PCDHA4: variants seen among roughly 807,000 people sequenced by gnomAD.
PCDHA4 encodes the protein protocadherin alpha-4.
In PCDHA4, 49 loss-of-function variants were observed where a neutral mutation model predicts 61.4. The observed-to-expected ratio is 0.80, with a 90% CI of 0.63 to 1.01. The LOEUF is 1.01. PCDHA4 is among the 50% of genes least tolerant of loss of function. The pLI, the probability that PCDHA4 is intolerant of heterozygous loss-of-function variation, is 0.00. For missense variants in PCDHA4, 1,254 were observed against 1,235.8 expected, an observed-to-expected ratio of 1.01 and a Z score of -0.22; for synonymous variants, 590 against 550.3, an observed-to-expected ratio of 1.07 and a Z score of -1.01.
chr5:140,807,956 A>C lies in PCDHA4; in HGVS notation c.769A>C (p.Asn257His), dbSNP rs1554124359. ...GGTGAGATTACTAGAAAATGTTCCT[A>C]ATGGAACATTGGTAATTAAACTTAA... ...YKVRLLENVPNGTLVIKLNAS... is the reference protein window; with the variant it reads ...YKVRLLENVPHGTLVIKLNAS... The change falls in exon 1 of 4, where the codon AAT (asparagine) becomes CAT (histidine). Residue 257 changes from asparagine (N) to histidine (H), a missense_variant. By Grantham distance (68) the Asn-to-His change is moderately conservative. Coordinates refer to ENST00000530339, the MANE Select transcript of PCDHA4 (RefSeq NM_018907.4). The C allele has an allele frequency of 3.1e-6, 5 of 1,612,664 alleles. No homozygotes were observed. The Admixed American group carries it at 8.3e-5, about 27-fold the overall frequency.
intron 1 of PCDHA4, chr5:140,966,540 C>G (rs1477712677): frequency 4.3e-6 from 2 of 462,788 alleles, no homozygotes; most frequent in African/African-American, 2.0e-5. Flanking sequence ...TTGAGCGACT[C>G]GGAGGCGAGC....
chr5:140,982,538 G>C lies in PCDHA4; in HGVS notation c.2508G>C (p.Trp836Cys), dbSNP rs782094765. The change falls in exon 3 of 4, where the codon TGG becomes TGC. Residue 836 changes from tryptophan to cysteine, a missense_variant. Coordinates refer to ENST00000530339, the MANE Select transcript of PCDHA4 (RefSeq NM_018907.4). ...GTCCAGGAGGGCCTGATCAGCAGTG[G>C]CCAACAGTATCCAGTGCAACACCAG... ...RAGPGGPDQQ[W>C]PTVSSATPEP... 1 of 1,614,166 alleles carries C rather than the reference G, an allele frequency of 6.2e-7. No individual in the cohort carries two copies.
At chr5:140,843,457 G>C (rs2150360487) in intron 1 of PCDHA4, 4 of 1,596,058 alleles carry the variant, frequency 2.5e-6, no homozygotes, top group Admixed American at 1.7e-5. Flanking sequence ...GCCTGCTGGT[G>C]CTCACGCTGC....
chr5:140,872,160 C>A (rs782612001), intron 1 of PCDHA4, among the ~76,000 whole-genome samples: 10 of 151,070 alleles, frequency 6.6e-5, no homozygotes, highest in African/African-American at 9.8e-5. Context: ...ACATGATTTA[C>A]TTTTCTTTTT....
At chr5:140,950,080 C>G (rs528804395) in intron 1 of PCDHA4, among the ~76,000 whole-genome samples, 2 of 151,836 alleles carry the variant, frequency 1.3e-5, no homozygotes, top group Admixed American at 1.3e-4. Context: ...ATTGCTTATG[C>G]TATAGTTTTC....
At position 140,845,518 on chromosome 5, in the gene PCDHA4, T is replaced by C. The variant is rs984046956; in HGVS notation, c.2385+35946T>C. On this transcript the variant is annotated intron_variant, in intron 1 of 3. Coordinates refer to ENST00000530339, the MANE Select transcript of PCDHA4 (RefSeq NM_018907.4). ...AAAGTCTAAACCTATTTCTTGTACATTAATACTTTTCACTATTCTAATTAT... is the reference window on the plus strand; with the variant it reads ...AAAGTCTAAACCTATTTCTTGTACACTAATACTTTTCACTATTCTAATTAT... Among the ~76,000 whole-genome samples the C allele has an allele frequency of 1.3e-5, 2 of 149,636 alleles. 1 individual carries two copies. The highest frequency in any genetic ancestry group is 3.0e-5 in the Non-Finnish European group (2 of 66,854).
Position 140,842,608 on chromosome 5 carries a change from C to G in PCDHA4, c.2385+33036C>G. On this transcript the variant is annotated intron_variant, in intron 1 of 3. Transcript: ENST00000530339. ...ATGAGTTGGTGGTAACCGCGCGGGACGGGGGCTCGCCTTCGCTGTGGGCCA... is the reference window on the plus strand; with the variant it reads ...ATGAGTTGGTGGTAACCGCGCGGGAGGGGGGCTCGCCTTCGCTGTGGGCCA... The G allele has an allele frequency of 1.9e-6, 3 of 1,557,216 alleles. No homozygotes were observed. The East Asian group carries it at 6.8e-5, about 35-fold the overall frequency.
At chr5:140,823,702 C>G (rs1554129555) in intron 1 of PCDHA4, 1 of 1,613,834 alleles carries the variant, frequency 6.2e-7, no homozygotes, top group Non-Finnish European at 8.5e-7. Context: ...CGAAGCACCG[C>G]GCCACCGCCT....
In PCDHA4 at chr5:140,809,188, G is replaced by T. The variant is rs372654960; in HGVS notation, c.2001G>T (p.Val667=). Residue 667 remains valine (V), a synonymous_variant, in exon 1 of 4, where the codon GTG becomes GTT. Transcript: ENST00000530339. ...TGACGGCCACGGCCACTGTGCTGGT[G>T]TCACTTGTGGAGAGTGGACAGGCGC... ...PALTATATVL[V]SLVESGQAPK... 4.8e-5 allele frequency: 78 copies of T among 1,613,914 alleles called. No individual in the cohort carries two copies. Among genetic ancestry groups the T allele is most frequent in the Non-Finnish European group, 6.4e-5 (75 of 1,179,948 alleles).
chr5:140,830,091 T>A, intron 1 of PCDHA4: 1 of 1,613,542 alleles, frequency 6.2e-7, no homozygotes, highest in Non-Finnish European at 8.5e-7. Context: ...ACGGTTCTGG[T>A]GTCGCTGGTG....
intron 1 of PCDHA4, among the ~76,000 whole-genome samples, chr5:140,914,158 C>T (rs1041086072): frequency 1.2e-4 from 18 of 152,276 alleles, no homozygotes; most frequent in East Asian, 9.6e-4. Flanking sequence ...CTGTCCAATA[C>T]GGAAAGTGGG....
At chr5:140,875,828 T>G (rs1259125673) in intron 1 of PCDHA4, 10 of 1,614,196 alleles carry the variant, frequency 6.2e-6, no homozygotes, top group Middle Eastern at 1.6e-4. Context: ...GTTTTCCATG[T>G]GGACGTGGAG....
rs782444703 is a variant in PCDHA4 at position 140,856,052 on chromosome 5, G to T, written c.2385+46480G>T. 12 of 1,585,178 alleles carry T rather than the reference G, an allele frequency of 7.6e-6. No individual in the cohort carries two copies. In the East Asian group the frequency reaches 2.5e-4, roughly 32 times the overall value. On this transcript the variant is annotated intron_variant, in intron 1 of 3. Transcript: ENST00000530339. The stretch of plus-strand genomic sequence containing the variant: ...TGTAAAACAAGAGAAGGATAAGATG[G>T]TTTCCAGATGTAGCTGCCTGGGGGT...
chr5:140,836,709 C>A, intron 1 of PCDHA4: 2 of 1,613,210 alleles, frequency 1.2e-6, no homozygotes, highest in Non-Finnish European at 1.7e-6. Context: ...CAGTCCCAGC[C>A]TTCCTCAGGG....
At chr5:140,919,976 G>A (rs552658832) in intron 1 of PCDHA4, among the ~76,000 whole-genome samples, 1 of 134,018 alleles carries the variant, frequency 7.5e-6, no homozygotes, top group Non-Finnish European at 1.7e-5. Context: ...ATAAGAGATA[G>A]AAGATGGAAA....
intron 1 of PCDHA4, among the ~76,000 whole-genome samples, chr5:140,974,318 A>G (rs2096622244): frequency 6.6e-6 from 1 of 152,206 alleles, no homozygotes; most frequent in Admixed American, 6.5e-5. Context: ...GTGAGAGAGT[A>G]GCTGCTGTGC....
chr5:140,897,877 C>T (rs1554187641), intron 1 of PCDHA4, among the ~76,000 whole-genome samples: 1 of 152,154 alleles, frequency 6.6e-6, no homozygotes, highest in Non-Finnish European at 1.5e-5. Flanking sequence ...TAATGATTGC[C>T]ATTCTAACTG....
intron 3 of PCDHA4, among the ~76,000 whole-genome samples, chr5:140,986,426 T>C (rs1405347449): frequency 1.3e-5 from 2 of 152,216 alleles, no homozygotes; most frequent in East Asian, 3.9e-4. Context: ...TTTAACTTCA[T>C]GAGTACTAAT....
Position 140,857,884 on chromosome 5 carries a change from G to C in PCDHA4, c.2385+48312G>C, listed in dbSNP as rs782097827. 60 of 1,597,656 alleles carry C rather than the reference G, an allele frequency of 3.8e-5. 6 individuals carry two copies. Among genetic ancestry groups the C allele is most frequent in the Non-Finnish European group, 5.0e-5 (58 of 1,167,502 alleles). On this transcript the variant is annotated intron_variant, in intron 1 of 3. Transcript: ENST00000530339. ...CGTGGCTGTCGTATGAATTGCAGTC[G>C]GCGGCGGTTGGTGCACGCATCCCGT...
Sources: allele counts gnomAD v4.1 joint callset (sites outside exome capture counted in the v4.1 genomes callset), GRCh38; gene constraint gnomAD v4.1.1; transcripts MANE v1.5; gene names NCBI Gene and HGNC (gene_info 2026-07-23, HGNC 2026-07-21).